Variants in BRD10 observed in about 807,000 individuals in gnomAD.
The protein encoded by BRD10 is uncharacterized bromodomain-containing protein 10.
At chr9:5,897,987 T>C in the BRD10 span, 1 of 251,816 alleles carries the variant, frequency 4.0e-6, no homozygotes, top group African/African-American at 2.2e-5. Context: ...TGAGGACTTC[T>C]TGCTGTGTCA....
chr9:5,991,750 A>C, the BRD10 span, among the ~76,000 whole-genome samples: 1 of 151,328 alleles, frequency 6.6e-6, no homozygotes, highest in African/African-American at 2.4e-5. Flanking sequence ...AAAAAAGGCA[A>C]ATCAGATGCC....
chr9:5,922,254 G>C, the BRD10 span: 15 of 1,613,954 alleles, frequency 9.3e-6, no homozygotes, highest in African/African-American at 1.5e-4. Flanking sequence ...GAACTACCAG[G>C]ATTTGTAGAC....
the BRD10 span, among the ~76,000 whole-genome samples, chr9:5,945,811 AC>A: frequency 6.6e-6 from 1 of 152,098 alleles, no homozygotes; most frequent in Non-Finnish European, 1.5e-5. Flanking sequence ...GCGAAAAAGA[AC>A]TAGATTTCTG....
the BRD10 span, chr9:5,921,120 G>C: frequency 3.7e-6 from 6 of 1,613,836 alleles, no homozygotes; most frequent in Non-Finnish European, 4.2e-6. Context: ...GAGCTTACTG[G>C]AACTGAATTA....
chr9:5,976,379 T>C, the BRD10 span, among the ~76,000 whole-genome samples: 5 of 152,220 alleles, frequency 3.3e-5, no homozygotes, highest in African/African-American at 1.2e-4. Flanking sequence ...CAGGCAAAGT[T>C]TTCAAGTTAT....
At chr9:5,984,962 T>C in the BRD10 span, among the ~76,000 whole-genome samples, 49 of 151,534 alleles carry the variant, frequency 3.2e-4, 1 homozygote, top group Admixed American at 9.8e-4. Flanking sequence ...CAAACGAATT[T>C]GAAAAAAAAA....
chr9:5,988,146 T>C, the BRD10 span, among the ~76,000 whole-genome samples: 2 of 152,198 alleles, frequency 1.3e-5, no homozygotes, highest in Non-Finnish European at 2.9e-5. Context: ...TCTGTAGAAA[T>C]TATTTTTGTA....
chr9:5,991,218 C>T, the BRD10 span, among the ~76,000 whole-genome samples: 171 of 151,918 alleles, frequency 1.1e-3, 1 homozygote, highest in African/African-American at 4.1e-3. Context: ...TGTACAGACA[C>T]ACTACTAGAT....
the BRD10 span, chr9:5,921,153 T>A: frequency 6.2e-7 from 1 of 1,613,954 alleles, no homozygotes; most frequent in East Asian, 2.2e-5. Flanking sequence ...AATGGCAAAA[T>A]ATAGCCCTTG....
the BRD10 span, among the ~76,000 whole-genome samples, chr9:5,994,897 T>TTTTC: frequency 6.6e-6 from 1 of 151,702 alleles, no homozygotes; most frequent in Non-Finnish European, 1.5e-5. Flanking sequence ...ATGCTATCAT[T>TTTTC]TTTCTTTTTT....
At chr9:5,920,727 T>C in the BRD10 span, 2 of 1,613,958 alleles carry the variant, frequency 1.2e-6, no homozygotes, top group South Asian at 1.1e-5. Context: ...TTTATTATTT[T>C]AGGGGATGTA....
the BRD10 span, among the ~76,000 whole-genome samples, chr9:5,973,924 T>G: frequency 6.6e-6 from 1 of 151,896 alleles, no homozygotes; most frequent in Non-Finnish European, 1.5e-5. Context: ...AAAAAACAAA[T>G]TGTAGCTTCA....
the BRD10 span, among the ~76,000 whole-genome samples, chr9:5,942,413 TATAACATAACGTAAC>T: frequency 3.9e-5 from 6 of 152,150 alleles, no homozygotes; most frequent in Non-Finnish European, 7.4e-5. Flanking sequence ...ATACATAACA[TATAACATAACGTAAC>T]ATAACATAAC....
At chr9:5,965,244 C>T in the BRD10 span, among the ~76,000 whole-genome samples, 1 of 151,690 alleles carries the variant, frequency 6.6e-6, no homozygotes, top group Admixed American at 6.6e-5. Flanking sequence ...ACAGCTCATC[C>T]CAAAGCGTAT....
At chr9:5,922,139 C>T in the BRD10 span, 3 of 1,613,982 alleles carry the variant, frequency 1.9e-6, no homozygotes, top group South Asian at 1.1e-5. Flanking sequence ...AGTGTTCCCA[C>T]CTCGTGTCCT....
chr9:5,979,805 C>T, the BRD10 span, among the ~76,000 whole-genome samples: 1 of 151,956 alleles, frequency 6.6e-6, no homozygotes, highest in Non-Finnish European at 1.5e-5. Flanking sequence ...CACCTGAGGT[C>T]AGGAGTTCCA....
the BRD10 span, among the ~76,000 whole-genome samples, chr9:5,881,138 G>A: frequency 6.6e-6 from 1 of 152,100 alleles, no homozygotes; most frequent in African/African-American, 2.4e-5. Context: ...CCCCACCCCT[G>A]ACACCCTTTT....
At chr9:5,943,831 T>C in the BRD10 span, among the ~76,000 whole-genome samples, 1 of 152,162 alleles carries the variant, frequency 6.6e-6, no homozygotes, top group Non-Finnish European at 1.5e-5. Context: ...TCTCTTAAAT[T>C]ACCATGATAC....
At chr9:5,967,710 A>AAAAAAAAAAAC in the BRD10 span, among the ~76,000 whole-genome samples, 1 of 148,744 alleles carries the variant, frequency 6.7e-6, no homozygotes, top group African/African-American at 2.6e-5. Context: ...AAAAAAAAAA[A>AAAAAAAAAAAC]ACACACATTT....
Sources: allele counts gnomAD v4.1 joint callset (sites outside exome capture counted in the v4.1 genomes callset), GRCh38; gene constraint gnomAD v4.1.1; transcripts MANE v1.5; gene names NCBI Gene and HGNC (gene_info 2026-07-23, HGNC 2026-07-21).